NOC3L: variants seen among roughly 807,000 people sequenced by gnomAD.
The protein encoded by NOC3L is NOC3 like DNA replication regulator.
NOC3L carries 85 observed loss-of-function variants against 102.5 expected under a neutral mutation model. The observed-to-expected ratio is 0.83, with a 90% CI of 0.70 to 0.99. The LOEUF (loss-of-function observed/expected upper bound fraction) is 0.99. Among genes scored for constraint, NOC3L ranks in the 50% least tolerant of loss-of-function variants. NOC3L has a pLI of 0.00. For synonymous variants in NOC3L, 303 were observed against 309.4 expected (o/e 0.98, Z 0.22); for missense variants, 878 against 914.9 (o/e 0.96, Z 0.52).
Position 94,362,917 on chromosome 10 carries a change from C to T in NOC3L, c.-79G>A. Reference sequence around the variant, plus strand: ...TACAGAAATCCCGGGGAATGACACACGTGCCGAAGTCCCTACACTACCAGA... The same window carrying T: ...TACAGAAATCCCGGGGAATGACACATGTGCCGAAGTCCCTACACTACCAGA... On this transcript the variant is annotated 5_prime_UTR_variant, in exon 1 of 21. In the 5' UTR this introduces an upstream ATG that the reference lacks. Transcript: ENST00000371361. The T allele has an allele frequency of 6.2e-7, 1 of 1,609,870 alleles. No individual in the cohort carries two copies. The highest frequency in any genetic ancestry group is 8.5e-7 in the Non-Finnish European group (1 of 1,176,552).
At chr10:94,354,305 A>G (rs2054457109) in intron 6 of NOC3L, among the ~76,000 whole-genome samples, 1 of 152,236 alleles carries the variant, frequency 6.6e-6, no homozygotes, top group Non-Finnish European at 1.5e-5. Context: ...ATCATTTTAT[A>G]TGACTTCACG....
At chr10:94,344,582 G>T in intron 12 of NOC3L, 67 bp from the exon 13 acceptor site, 1 of 1,108,002 alleles carries the variant, frequency 9.0e-7, no homozygotes. Context: ...GTGAGCATAA[G>T]TATCACTTCA....
chr10:94,316,512 CCTCA>C, the NOC3L span: 8 of 1,393,406 alleles, frequency 5.7e-6, no homozygotes, highest in Non-Finnish European at 7.1e-6. Flanking sequence ...TAAGTTTTTG[CCTCA>C]CTCCTCAGTT....
At chr10:94,350,040 G>C (rs1362880276) in intron 9 of NOC3L, 73 bp downstream of exon 9, 2 of 1,456,050 alleles carry the variant, frequency 1.4e-6, no homozygotes, top group Non-Finnish European at 1.9e-6. Context: ...TTACAGGTGT[G>C]AGCCACCGTG....
At chr10:94,362,784 C>T (rs2054566503) in intron 1 of NOC3L, 46 bp downstream of exon 1, 21 of 1,611,772 alleles carry the variant, frequency 1.3e-5, no homozygotes, top group Non-Finnish European at 1.8e-5. Context: ...CTCTATCACC[C>T]GAAGGGGCCC....
chr10:94,328,077 C>T, the NOC3L span: 1 of 471,426 alleles, frequency 2.1e-6, no homozygotes. Flanking sequence ...AGCCTTCACA[C>T]ATGTGAGATC....
the NOC3L span, chr10:94,324,932 G>A: frequency 4.6e-5 from 74 of 1,614,182 alleles, no homozygotes; most frequent in African/African-American, 8.5e-4. Flanking sequence ...TCTTTCGCAA[G>A]TGAACTCAAG....
chr10:94,362,753 A>G lies in NOC3L; in HGVS notation c.9+77T>C, dbSNP rs2054566223. 34 of 1,527,808 alleles carry G rather than the reference A, an allele frequency of 2.2e-5. No individual in the cohort carries two copies. In the South Asian group the frequency reaches 3.5e-4, roughly 16 times the overall value. 94.6% of individuals were successfully genotyped at this position (1,527,808 alleles called of 1,614,324 possible). ...CCTAGACACGGGTGAAAACCTGCCTAAAAGCTAACTCAGGCAGTGACTCTA... is the reference window on the plus strand; with the variant it reads ...CCTAGACACGGGTGAAAACCTGCCTGAAAGCTAACTCAGGCAGTGACTCTA... On this transcript the variant is annotated intron_variant, in intron 1 of 20. Transcript: ENST00000371361.
chr10:94,340,337 C>T lies in NOC3L; in HGVS notation c.1719G>A (p.Leu573=), dbSNP rs140939496. The T allele has an allele frequency of 6.2e-7, 1 of 1,612,538 alleles. No individual in the cohort carries two copies. The highest frequency in any genetic ancestry group is 8.5e-7 in the Non-Finnish European group (1 of 1,179,318). The change falls in exon 16 of 21, where the codon CTG becomes CTA. Residue 573 remains leucine, a synonymous_variant. Transcript: ENST00000371361. The part of the protein sequence containing the change: ...FHILSGQGDV[L]NIDPLKFYTH... ...TGTAGAATTTCAATGGATCAATATTCAGAACATCACCTTTGAAATGACAAC... is the reference window on the plus strand; with the variant it reads ...TGTAGAATTTCAATGGATCAATATTTAGAACATCACCTTTGAAATGACAAC...
chr10:94,362,068 C>G lies in NOC3L; in HGVS notation c.10-196G>C, dbSNP rs542166955. On this transcript the variant is annotated intron_variant, in intron 1 of 20. Coordinates refer to ENST00000371361, the MANE Select transcript of NOC3L (RefSeq NM_022451.11). ...GCGCTACAGCATCAGTTATTCAATCCCAATTCACAGCAATTCAAAGGGTTC... is the reference window on the plus strand; with the variant it reads ...GCGCTACAGCATCAGTTATTCAATCGCAATTCACAGCAATTCAAAGGGTTC... The G allele has an allele frequency of 1.6e-5, 10 of 641,036 alleles. No homozygotes were observed. In the African/African-American group the frequency reaches 1.8e-4, roughly 12 times the overall value. The allele number at this position is 641,036 out of a possible 1,614,324, so 39.7% of individuals were successfully genotyped here.
chr10:94,332,547 GTT>G (rs1272097981), downstream of NOC3L: 1 of 130,228 alleles, frequency 7.7e-6, no homozygotes, highest in East Asian at 2.3e-4. Context: ...GTGTGTGTGT[GTT>G]TAAACATAAG....
chr10:94,346,501 G>T lies in NOC3L; in HGVS notation c.1313C>A (p.Thr438Lys). ...TTTTTTTGGTTTATTAATGTCTTCT[G>T]TATCTTTTTTCACTTCTACTTCCTT... ...RIKEVEVKKD[T>K]EDINKPKKFM... Residue 438 changes from threonine (T) to lysine (K), a missense_variant, in exon 11 of 21, where the codon ACA becomes AAA. Coordinates refer to ENST00000371361, the MANE Select transcript of NOC3L (RefSeq NM_022451.11). The T allele has an allele frequency of 6.8e-7, 1 of 1,478,754 alleles. No homozygotes were observed. Among genetic ancestry groups the T allele is most frequent in the Non-Finnish European group, 9.1e-7 (1 of 1,098,804 alleles). 91.6% of individuals were successfully genotyped at this position (1,478,754 alleles called of 1,614,324 possible).
At chr10:94,317,109 G>C in the NOC3L span, among the ~76,000 whole-genome samples, 3 of 152,226 alleles carry the variant, frequency 2.0e-5, no homozygotes, top group Admixed American at 6.5e-5. Context: ...AAATTAGCCA[G>C]GCGTGGTGGC....
chr10:94,356,935 C>G (rs568893714), intron 4 of NOC3L, among the ~76,000 whole-genome samples: 2 of 152,002 alleles, frequency 1.3e-5, no homozygotes, highest in Non-Finnish European at 2.9e-5. Flanking sequence ...TTAGAAACAA[C>G]AAAATTTAGT....
In NOC3L at chr10:94,344,498, A is replaced by G. The variant is rs375922420; in HGVS notation, c.1488T>C (p.Asn496=). 6.2e-6 allele frequency: 10 copies of G among 1,612,792 alleles called. No homozygotes were observed. Among genetic ancestry groups the G allele is most frequent in the Non-Finnish European group, 8.5e-6 (10 of 1,178,964 alleles). ...KKLKLHTETL[N]IVFVTYFRIL... ...TTCTGAAGTAGGTTACAAACACAAT[A>G]TTCAGAGTCTCTGTGTGCTGGCAGA... The change falls in exon 13 of 21, where the codon AAT becomes AAC. Residue 496 remains asparagine, a synonymous_variant. Transcript: ENST00000371361.
chr10:94,328,092 C>A, the NOC3L span: 3 of 437,560 alleles, frequency 6.9e-6, no homozygotes, highest in Non-Finnish European at 1.4e-5. Context: ...GAGATCCATG[C>A]TGAGGAGAAG....
At chr10:94,340,761 C>G (rs1379746708) in intron 14 of NOC3L, among the ~76,000 whole-genome samples, 1 of 151,920 alleles carries the variant, frequency 6.6e-6, no homozygotes, top group Admixed American at 6.6e-5. Flanking sequence ...GCGGGCAGAT[C>G]ACGAGGTCAG....
the NOC3L span, chr10:94,322,077 C>A: frequency 6.2e-7 from 1 of 1,611,772 alleles, no homozygotes; most frequent in Non-Finnish European, 8.5e-7. Flanking sequence ...CCTCTCCCTT[C>A]CTCACCTGAG....
downstream of NOC3L, chr10:94,332,513 G>A (rs937307602): frequency 8.9e-6 from 1 of 112,392 alleles, no homozygotes; most frequent in Non-Finnish European, 1.9e-5. Flanking sequence ...GCCTGTGTGT[G>A]TGTGTGTGTG....
Sources: gnomAD v4.1 joint callset for allele counts (sites outside exome capture counted in the v4.1 genomes callset) on GRCh38, gnomAD v4.1.1 for gene constraint, MANE v1.5 for transcripts, NCBI Gene and HGNC (gene_info 2026-07-23, HGNC 2026-07-21) for gene names.